Variants in PCNX1 observed in about 807,000 individuals in gnomAD.
The protein encoded by PCNX1 is pecanex-like protein 1.
Under a neutral mutation model 242.2 loss-of-function variants are expected in PCNX1, and 78 were observed. The ratio of observed to expected loss-of-function variants is 0.32; its 90% CI spans 0.27 to 0.39. PCNX1 has a LOEUF of 0.39. PCNX1 is among the 10% of genes least tolerant of loss of function. The probability of loss-of-function intolerance (pLI) is 1.00; values close to 1 mark genes in which losing one functional copy is unlikely to be tolerated. For synonymous variants in PCNX1, 1,024 were observed against 1,032.9 expected, an observed-to-expected ratio of 0.99 and a Z score of 0.17; for missense variants, 2,581 against 2,856.5, an observed-to-expected ratio of 0.90 and a Z score of 2.20.
intron 2 of PCNX1, among the ~76,000 whole-genome samples, chr14:70,956,967 TAC>T (rs928290036): frequency 7.0e-6 from 1 of 142,500 alleles, no homozygotes; most frequent in African/African-American, 2.6e-5. Flanking sequence ...ATATAATAAG[TAC>T]TGAGTAAATA....
intron 16 of PCNX1, among the ~76,000 whole-genome samples, 196 bp from the exon 17 acceptor site, chr14:71,033,233 A>G (rs905122639): frequency 6.6e-6 from 1 of 152,216 alleles, no homozygotes; most frequent in Non-Finnish European, 1.5e-5. Flanking sequence ...TACCAAAGAC[A>G]TTTAGTGGCC....
chr14:70,971,423 C>T (rs2058538783), intron 5 of PCNX1, among the ~76,000 whole-genome samples: 2 of 13,372 alleles, frequency 1.5e-4, no homozygotes, highest in African/African-American at 5.3e-4. Context: ...GGATTACAGG[C>T]GTGAGCCACC....
At chr14:71,074,373 A>G (rs935822754) in intron 27 of PCNX1, among the ~76,000 whole-genome samples, 1 of 152,242 alleles carries the variant, frequency 6.6e-6, no homozygotes, top group Admixed American at 6.5e-5. Flanking sequence ...TCATAGGGTA[A>G]GTTGCTAGAA....
Position 70,996,001 on chromosome 14 carries a change from T to G in PCNX1, c.2629+76T>G. On this transcript the variant is annotated intron_variant, in intron 8 of 35. Coordinates refer to ENST00000304743, the MANE Select transcript of PCNX1 (RefSeq NM_014982.3). Reference sequence around the variant, plus strand: ...ATGATGGGTAACAATTGCAGTTCTTTTTTGAGATAGTTTCATTTTGGAACT... The same window carrying G: ...ATGATGGGTAACAATTGCAGTTCTTGTTTGAGATAGTTTCATTTTGGAACT... The G allele has an allele frequency of 2.7e-6, 3 of 1,105,280 alleles. No individual in the cohort carries two copies. The South Asian group carries it at 3.8e-5, about 14-fold the overall frequency. 68.5% of individuals were successfully genotyped at this position (1,105,280 alleles called of 1,614,324 possible). A position where few individuals can be genotyped will look rare whatever the true frequency, so the allele number is the denominator to read the frequency against.
At position 71,113,955 on chromosome 14, in the gene PCNX1, G is replaced by T. The variant is rs971887756; in HGVS notation, c.*4020G>T. The T allele has an allele frequency of 1.3e-5, 2 of 152,106 alleles. No individual in the cohort carries two copies. The highest frequency in any genetic ancestry group is 2.9e-5 in the Non-Finnish European group (2 of 68,006). 9.4% of individuals were successfully genotyped at this position (152,106 alleles called of 1,614,324 possible). On this transcript the variant is annotated 3_prime_UTR_variant, in exon 36 of 36. Coordinates refer to ENST00000304743, the MANE Select transcript of PCNX1 (RefSeq NM_014982.3). ...TAAAGTTACTTTGGACAGAGACCCA[G>T]TTAATTTTCTCTTTTGATAGGATAC...
intron 21 of PCNX1, among the ~76,000 whole-genome samples, 186 bp downstream of exon 21, chr14:71,047,291 T>G (rs2060889951): frequency 1.3e-5 from 2 of 152,176 alleles, no homozygotes. Flanking sequence ...TGGCATATTC[T>G]GTACTCCAGA....
intron 1 of PCNX1, among the ~76,000 whole-genome samples, chr14:70,915,585 C>T (rs1160577396): frequency 6.6e-6 from 1 of 152,072 alleles, no homozygotes; most frequent in East Asian, 1.9e-4. Context: ...TTTTTAATAG[C>T]TCTGCAGTAG....
intron 2 of PCNX1, among the ~76,000 whole-genome samples, chr14:70,951,743 A>G (rs1294197495): frequency 6.6e-6 from 1 of 152,078 alleles, no homozygotes; most frequent in Non-Finnish European, 1.5e-5. Flanking sequence ...ATGTGTGCTT[A>G]TCCTCCAGAA....
At chr14:71,004,766 C>CT (rs2059606410) in intron 8 of PCNX1, among the ~76,000 whole-genome samples, 1 of 152,190 alleles carries the variant, frequency 6.6e-6, no homozygotes, top group Non-Finnish European at 1.5e-5. Context: ...AAGGCCTTCT[C>CT]TTTAAAAGTA....
At chr14:70,970,731 G>A (rs2058515732) in intron 5 of PCNX1, among the ~76,000 whole-genome samples, 1 of 152,176 alleles carries the variant, frequency 6.6e-6, no homozygotes, top group African/African-American at 2.4e-5. Context: ...GGTCTCTCTT[G>A]CTACTCAGCT....
intron 33 of PCNX1, among the ~76,000 whole-genome samples, chr14:71,106,762 C>T (rs929820901): frequency 6.6e-6 from 1 of 152,114 alleles, no homozygotes. Context: ...TCTAAAGTGC[C>T]TAGTTACATC....
intron 12 of PCNX1, among the ~76,000 whole-genome samples, chr14:71,021,499 GT>G (rs2060100110): frequency 6.6e-6 from 1 of 152,128 alleles, no homozygotes; most frequent in Non-Finnish European, 1.5e-5. Context: ...CATTGACATA[GT>G]TCTGTTTTTA....
rs143069027 is a variant in PCNX1, at chr14:70,941,767, G to A, written c.154-5148G>A. Among the ~76,000 whole-genome samples, 423 of 152,282 alleles carry A rather than the reference G, an allele frequency of 2.8e-3. 1 individual carries two copies. The highest frequency in any genetic ancestry group is 9.5e-3 in the African/African-American group (393 of 41,550). Reference sequence around the variant, plus strand: ...AGGCAGGCAGGCCTCCTTGAGCTGCGGTGAGCTTCACCCAGTTAGAGCTTC... The same window carrying A: ...AGGCAGGCAGGCCTCCTTGAGCTGCAGTGAGCTTCACCCAGTTAGAGCTTC... On this transcript the variant is annotated intron_variant, in intron 1 of 35. Transcript: ENST00000304743.
At chr14:70,945,599 G>C (rs976417718) in intron 1 of PCNX1, among the ~76,000 whole-genome samples, 2 of 150,692 alleles carry the variant, frequency 1.3e-5, no homozygotes, top group African/African-American at 2.4e-5. Context: ...AAAGAAATTT[G>C]ATCATACCTG....
intron 8 of PCNX1, among the ~76,000 whole-genome samples, chr14:71,003,442 A>G (rs927541658): frequency 3.0e-4 from 46 of 152,102 alleles, no homozygotes; most frequent in Non-Finnish European, 2.1e-4. Flanking sequence ...GATATTTTAA[A>G]TACAACTTAT....
At chr14:70,910,471 A>G (rs1185235839) in intron 1 of PCNX1, among the ~76,000 whole-genome samples, 1 of 151,746 alleles carries the variant, frequency 6.6e-6, no homozygotes, top group Non-Finnish European at 1.5e-5. Flanking sequence ...TCTTCTTGCC[A>G]AGAAGTATGT....
chr14:70,985,450 G>A (rs1198472343), intron 6 of PCNX1, among the ~76,000 whole-genome samples: 1 of 152,116 alleles, frequency 6.6e-6, no homozygotes, highest in Admixed American at 6.5e-5. Flanking sequence ...CTGACTTCAG[G>A]TGATCCACCC....
In PCNX1 at chr14:70,909,137, A is replaced by G. The variant is rs765850847; in HGVS notation, c.153+1134A>G. On this transcript the variant is annotated intron_variant, in intron 1 of 35. Transcript: ENST00000304743. ...GAAGTGCAAAAGGTGAGGACACCCA[A>G]TTCTTCCCTAAGTGAAGTTCAGTTT... Among the ~76,000 whole-genome samples the G allele has an allele frequency of 2.5e-4, 38 of 152,308 alleles. 1 individual carries two copies. The highest frequency in any genetic ancestry group is 5.9e-4 in the Admixed American group (9 of 15,306).
At chr14:71,044,424 A>G (rs866061938) in intron 19 of PCNX1, 13 of 152,450 alleles carry the variant, frequency 8.5e-5, no homozygotes, top group Middle Eastern at 6.7e-3. Flanking sequence ...TCAGATGGCA[A>G]TCCCTGTTGA....
Sources: gnomAD v4.1 joint callset for allele counts (sites outside exome capture counted in the v4.1 genomes callset) on GRCh38, gnomAD v4.1.1 for gene constraint, MANE v1.5 for transcripts, NCBI Gene and HGNC (gene_info 2026-07-23, HGNC 2026-07-21) for gene names.